The following ARPC4 variants were observed in gnomAD, a reference collection of about 807,000 sequenced individuals.
ARPC4 encodes actin related protein 2/3 complex subunit 4, also known as actin-related protein 2/3 complex subunit 4.
ARPC4 carries 3 observed loss-of-function variants against 22.8 expected under a neutral mutation model. The observed-to-expected ratio is 0.13, with a 90% CI of 0.06 to 0.34. The LOEUF (loss-of-function observed/expected upper bound fraction) is 0.34. ARPC4 is among the 10% of genes least tolerant of loss of function. The pLI, the probability that ARPC4 is intolerant of heterozygous loss-of-function variation, is 1.00. For missense variants in ARPC4, 98 were observed against 211.0 expected (o/e 0.46, Z 3.32); for synonymous variants, 80 against 72.5 (o/e 1.10, Z -0.52).
intron 1 of ARPC4, among the ~76,000 whole-genome samples, chr3:9,795,566 A>G (rs1432421308): frequency 6.6e-6 from 1 of 152,186 alleles, no homozygotes; most frequent in Non-Finnish European, 1.5e-5. Context: ...TAGTGAATCT[A>G]AAATGCTTCT....
chr3:9,802,480 A>G (rs2079031365), intron 4 of ARPC4, among the ~76,000 whole-genome samples: 1 of 147,274 alleles, frequency 6.8e-6, no homozygotes, highest in Non-Finnish European at 1.5e-5. Flanking sequence ...GGTTCACGCC[A>G]TTCTCCTGCC....
chr3:9,801,117 A>G (rs548406197), intron 3 of ARPC4, among the ~76,000 whole-genome samples: 57 of 144,244 alleles, frequency 4.0e-4, no homozygotes, highest in African/African-American at 1.4e-3. Context: ...AGGCTGAGGC[A>G]GGAGAATCGC....
At chr3:9,793,030 C>A, upstream of ARPC4, 2 of 1,537,670 alleles carry the variant, frequency 1.3e-6, no homozygotes, top group Non-Finnish European at 1.7e-6. Flanking sequence ...GAAGTCCGGG[C>A]GGAGACCGTA....
intron 1 of ARPC4, among the ~76,000 whole-genome samples, chr3:9,796,046 A>G (rs879704869): frequency 1.3e-5 from 2 of 152,188 alleles, no homozygotes; most frequent in African/African-American, 4.8e-5. Context: ...CAGTGAGCCA[A>G]GATTGCACCA....
rs2078787120 is a variant in ARPC4 at position 9,793,134 on chromosome 3, C to A, written c.3+10C>A. On this transcript the variant is annotated intron_variant, in intron 1 of 5. Transcript: ENST00000397261. Reference sequence around the variant, plus strand: ...GCCAGCGCCCGCGATGGTGAGAGAGCCGGGCCCCCGGCCAGGGACCCCCGG... The same window carrying A: ...GCCAGCGCCCGCGATGGTGAGAGAGACGGGCCCCCGGCCAGGGACCCCCGG... 1 of 1,541,608 alleles carries A rather than the reference C, an allele frequency of 6.5e-7. No individual in the cohort carries two copies. The highest frequency in any genetic ancestry group is 1.2e-5 in the South Asian group (1 of 83,698).
upstream of ARPC4, chr3:9,793,035 A>G (rs1233008786): frequency 1.8e-5 from 27 of 1,539,788 alleles, no homozygotes; most frequent in Non-Finnish European, 2.4e-5. Flanking sequence ...CCGGGCGGAG[A>G]CCGTAGCTGC....
chr3:9,796,928 G>A (rs780185100), intron 1 of ARPC4, among the ~76,000 whole-genome samples: 39 of 116,808 alleles, frequency 3.3e-4, no homozygotes, highest in East Asian at 2.8e-3. Flanking sequence ...GCAACAGAGC[G>A]AGACTCTGTC....
intron 5 of ARPC4, 159 bp downstream of exon 5, chr3:9,804,172 G>A: frequency 1.4e-6 from 1 of 713,960 alleles, no homozygotes; most frequent in Non-Finnish European, 2.2e-6. Flanking sequence ...GTGCTTTGGA[G>A]CTAGAGGACC....
chr3:9,797,830 C>T, intron 2 of ARPC4, 53 bp downstream of exon 2: 2 of 1,568,894 alleles, frequency 1.3e-6, no homozygotes, highest in Non-Finnish European at 1.7e-6. Flanking sequence ...ACAGAGATGG[C>T]TGCTGTCTAG....
chr3:9,801,618 G>A (rs958728490), intron 3 of ARPC4, 43 bp from the exon 4 acceptor site: 6 of 1,550,214 alleles, frequency 3.9e-6, no homozygotes, highest in Admixed American at 3.8e-5. Flanking sequence ...TTTTGGCCTT[G>A]GGTGTCAGCT....
chr3:9,793,212 G>A, intron 1 of ARPC4, 88 bp downstream of exon 1: 1 of 1,491,648 alleles, frequency 6.7e-7, no homozygotes, highest in Non-Finnish European at 9.0e-7. Context: ...TGCCGCAGGG[G>A]CGCGGGGCCG....
chr3:9,792,838 C>G, upstream of ARPC4: 3 of 1,358,828 alleles, frequency 2.2e-6, no homozygotes, highest in Non-Finnish European at 2.8e-6. Flanking sequence ...GAGGCTGTGG[C>G]AAAGGTGACA....
intron 1 of ARPC4, among the ~76,000 whole-genome samples, chr3:9,796,740 G>A (rs1023447231): frequency 6.6e-6 from 1 of 152,082 alleles, no homozygotes; most frequent in East Asian, 1.9e-4. Context: ...AGGAGATTGA[G>A]ACCATCCTGG....
intron 2 of ARPC4, among the ~76,000 whole-genome samples, chr3:9,799,362 AG>A (rs1430220856): frequency 4.6e-5 from 7 of 152,160 alleles, no homozygotes; most frequent in Non-Finnish European, 1.0e-4. Context: ...ATACTTAACC[AG>A]TTGAGCATCC....
At chr3:9,797,906 C>A (rs2078929052) in intron 2 of ARPC4, 129 bp downstream of exon 2, 2 of 985,594 alleles carry the variant, frequency 2.0e-6, no homozygotes, top group Non-Finnish European at 2.9e-6. Context: ...GTCTTGCTGC[C>A]AGCTGAATGG....
intron 2 of ARPC4, 140 bp downstream of exon 2, chr3:9,797,917 T>A: frequency 1.1e-6 from 1 of 890,320 alleles, no homozygotes. Context: ...AGCTGAATGG[T>A]GATTCCCAAT....
chr3:9,800,338 A>T, intron 3 of ARPC4, 42 bp downstream of exon 3: 1 of 1,597,526 alleles, frequency 6.3e-7, no homozygotes, highest in Non-Finnish European at 8.6e-7. Flanking sequence ...GGCCTCTTTC[A>T]GTCCTTTCAG....
chr3:9,800,108 T>C, intron 2 of ARPC4, 77 bp from the exon 3 acceptor site: 1 of 1,447,588 alleles, frequency 6.9e-7, no homozygotes, highest in Non-Finnish European at 9.5e-7. Flanking sequence ...CTCATAGTGA[T>C]TCCAGGACCT....
upstream of ARPC4, chr3:9,792,729 G>A (rs527257995): frequency 1.1e-5 from 14 of 1,236,800 alleles, 1 homozygote; most frequent in East Asian, 3.2e-5. Flanking sequence ...GAGAAAGGAT[G>A]GGGGTACAGA....
Sources: allele counts gnomAD v4.1 joint callset (sites outside exome capture counted in the v4.1 genomes callset), GRCh38; gene constraint gnomAD v4.1.1; transcripts MANE v1.5; gene names NCBI Gene and HGNC (gene_info 2026-07-23, HGNC 2026-07-21).